SLC24A2: variants seen among roughly 807,000 people sequenced by gnomAD.
SLC24A2 encodes the protein sodium/potassium/calcium exchanger 2.
Under a neutral mutation model 62.0 loss-of-function variants are expected in SLC24A2, and 36 were observed. The observed-to-expected ratio is 0.58, with a 90% CI of 0.44 to 0.77. The LOEUF is 0.77. SLC24A2 is among the 30% of genes least tolerant of loss of function. The pLI, the probability that SLC24A2 is intolerant of heterozygous loss-of-function variation, is 0.00. For missense variants in SLC24A2, 846 were observed against 817.9 expected, an observed-to-expected ratio of 1.03 and a Z score of -0.42; for synonymous variants, 358 against 294.0, an observed-to-expected ratio of 1.22 and a Z score of -2.23.
the SLC24A2 span, among the ~76,000 whole-genome samples, chr9:19,923,121 C>T: frequency 6.6e-6 from 1 of 151,880 alleles, no homozygotes; most frequent in Non-Finnish European, 1.5e-5. Context: ...CACACTGTGC[C>T]TAGTGGATAA....
At chr9:20,283,700 G>C in the SLC24A2 span, among the ~76,000 whole-genome samples, 2 of 145,394 alleles carry the variant, frequency 1.4e-5, no homozygotes, top group African/African-American at 5.0e-5. Context: ...AATTCACTTG[G>C]AAGAGACCCA....
At chr9:20,208,816 C>T in the SLC24A2 span, among the ~76,000 whole-genome samples, 3 of 152,192 alleles carry the variant, frequency 2.0e-5, no homozygotes, top group Admixed American at 6.5e-5. Flanking sequence ...CCTACTCCTC[C>T]TTAATGGCTG....
the SLC24A2 span, among the ~76,000 whole-genome samples, chr9:20,108,419 T>G: frequency 1.3e-5 from 2 of 152,130 alleles, no homozygotes; most frequent in Non-Finnish European, 1.5e-5. Context: ...TGCGGCACTA[T>G]TCACAATAGC....
At chr9:19,564,733 T>C (rs994683642) in intron 7 of SLC24A2, among the ~76,000 whole-genome samples, 11 of 152,196 alleles carry the variant, frequency 7.2e-5, no homozygotes, top group African/African-American at 2.4e-4. Flanking sequence ...TCATGCTACA[T>C]GAAAATGTAG....
the SLC24A2 span, among the ~76,000 whole-genome samples, chr9:20,070,210 T>C: frequency 6.6e-6 from 1 of 151,980 alleles, no homozygotes; most frequent in Non-Finnish European, 1.5e-5. Flanking sequence ...GGGTGTACAA[T>C]TCCTAACTTA....
the SLC24A2 span, among the ~76,000 whole-genome samples, chr9:20,006,345 G>T: frequency 6.6e-6 from 1 of 151,502 alleles, no homozygotes; most frequent in Non-Finnish European, 1.5e-5. Flanking sequence ...GTGAGGGGAG[G>T]GGGGATGGTT....
At chr9:19,906,870 G>C in the SLC24A2 span, among the ~76,000 whole-genome samples, 1 of 152,162 alleles carries the variant, frequency 6.6e-6, no homozygotes, top group Non-Finnish European at 1.5e-5. Flanking sequence ...GGACCAGATG[G>C]ATTCACAGCC....
chr9:20,097,720 ATTTTTTTTTTTTTTTTTT>A, the SLC24A2 span, among the ~76,000 whole-genome samples: 558 of 69,092 alleles, frequency 8.1e-3, 6 homozygotes, highest in African/African-American at 0.027. Flanking sequence ...ATCTTAAATA[ATTTTTTTTTTTTTTTTTT>A]TTTTTTTTTT....
At chr9:19,592,496 ACCTAC>A (rs1836585898) in intron 5 of SLC24A2, among the ~76,000 whole-genome samples, 2 of 32,322 alleles carry the variant, frequency 6.2e-5, no homozygotes, top group South Asian at 1.1e-3. Context: ...CTACCTACCC[ACCTAC>A]CTACCTACCT....
the SLC24A2 span, among the ~76,000 whole-genome samples, chr9:19,897,802 A>T: frequency 2.0e-5 from 3 of 152,212 alleles, no homozygotes. Context: ...AAGGGACAAA[A>T]GGGCAAAACT....
At chr9:19,542,760 C>G (rs886584953) in intron 8 of SLC24A2, among the ~76,000 whole-genome samples, 2 of 152,158 alleles carry the variant, frequency 1.3e-5, no homozygotes, top group Non-Finnish European at 2.9e-5. Flanking sequence ...ATATGTTGAA[C>G]CAGCCTTGCA....
At chr9:20,237,285 C>A in the SLC24A2 span, among the ~76,000 whole-genome samples, 2 of 152,250 alleles carry the variant, frequency 1.3e-5, no homozygotes, top group East Asian at 3.9e-4. Flanking sequence ...TTAGTGAGCA[C>A]CTTCTAGGGG....
At chr9:20,031,002 C>T in the SLC24A2 span, among the ~76,000 whole-genome samples, 1 of 152,022 alleles carries the variant, frequency 6.6e-6, no homozygotes, top group Non-Finnish European at 1.5e-5. Flanking sequence ...TAGACTGCTT[C>T]TTTATTCCTT....
At chr9:20,032,030 A>G in the SLC24A2 span, among the ~76,000 whole-genome samples, 1 of 152,274 alleles carries the variant, frequency 6.6e-6, no homozygotes, top group Non-Finnish European at 1.5e-5. Context: ...CAAGCTCGTG[A>G]CTGCCCCAAG....
the SLC24A2 span, among the ~76,000 whole-genome samples, chr9:19,881,039 C>T: frequency 6.6e-6 from 1 of 152,088 alleles, no homozygotes; most frequent in Non-Finnish European, 1.5e-5. Context: ...ATAATAGAAA[C>T]AATCTTAGTG....
the SLC24A2 span, among the ~76,000 whole-genome samples, chr9:20,117,046 C>A: frequency 6.6e-6 from 1 of 152,120 alleles, no homozygotes; most frequent in Non-Finnish European, 1.5e-5. Context: ...AGTCTCTCAC[C>A]TTCATTTCAT....
chr9:20,197,839 G>A, the SLC24A2 span, among the ~76,000 whole-genome samples: 1 of 152,108 alleles, frequency 6.6e-6, no homozygotes, highest in African/African-American at 2.4e-5. Context: ...GGTTCAAAGA[G>A]ACCAATATCA....
chr9:20,076,861 GTATATATATA>G, the SLC24A2 span, among the ~76,000 whole-genome samples: 2 of 105,836 alleles, frequency 1.9e-5, no homozygotes, highest in Admixed American at 1.0e-4. Flanking sequence ...CATATCATAT[GTATATATATA>G]TATATATATA....
the SLC24A2 span, among the ~76,000 whole-genome samples, chr9:19,864,047 T>G: frequency 6.6e-6 from 1 of 152,090 alleles, no homozygotes; most frequent in East Asian, 1.9e-4. Flanking sequence ...GTGGCTACTA[T>G]GAGCAACTAC....
Sources: gnomAD v4.1 joint callset for allele counts (sites outside exome capture counted in the v4.1 genomes callset) on GRCh38, gnomAD v4.1.1 for gene constraint, MANE v1.5 for transcripts, NCBI Gene and HGNC (gene_info 2026-07-23, HGNC 2026-07-21) for gene names.